TARBP1: variants seen among roughly 807,000 people sequenced by gnomAD.
TARBP1 encodes tRNA (guanosine(18)-2'-O)-methyltransferase TARBP1.
TARBP1 carries 144 observed loss-of-function variants against 178.6 expected under a neutral mutation model. The ratio of observed to expected loss-of-function variants is 0.81; its 90% confidence interval spans 0.70 to 0.93. The LOEUF (loss-of-function observed/expected upper bound fraction) is 0.93. TARBP1 is among the 40% of genes least tolerant of loss of function. The pLI, the probability that TARBP1 is intolerant of heterozygous loss-of-function variation, is 0.00. For missense variants in TARBP1, 2,067 were observed against 2,011.7 expected, an observed-to-expected ratio of 1.03 and a Z score of -0.53; for synonymous variants, 787 against 781.0, an observed-to-expected ratio of 1.01 and a Z score of -0.13.
intron 21 of TARBP1, among the ~76,000 whole-genome samples, chr1:234,419,267 A>G (rs1016659319): frequency 6.6e-6 from 1 of 152,230 alleles, no homozygotes; most frequent in Non-Finnish European, 1.5e-5. Flanking sequence ...ATCTTACACG[A>G]ATTTCTACTT....
intron 17 of TARBP1, 118 bp downstream of exon 17, chr1:234,429,018 T>TTTTTGA: frequency 1.1e-6 from 1 of 886,736 alleles, no homozygotes; most frequent in Non-Finnish European, 1.6e-6. Context: ...TTCAAAAATA[T>TTTTTGA]TTTTGACTGA....
chr1:234,472,686 G>C (rs1371704683), intron 2 of TARBP1, 28 bp downstream of exon 2: 6 of 1,479,590 alleles, frequency 4.1e-6, no homozygotes, highest in Non-Finnish European at 5.5e-6. Context: ...ATCTACTGTA[G>C]GATTTGCTAA....
intron 22 of TARBP1, among the ~76,000 whole-genome samples, chr1:234,413,514 T>G (rs1056219303): frequency 4.6e-5 from 7 of 152,118 alleles, no homozygotes; most frequent in African/African-American, 1.7e-4. Flanking sequence ...CGCTAAGCTT[T>G]GGAGAGTTCT....
At chr1:234,472,596 G>T in intron 2 of TARBP1, 118 bp downstream of exon 2, 2 of 629,190 alleles carry the variant, frequency 3.2e-6, no homozygotes, top group Non-Finnish European at 5.3e-6. Flanking sequence ...AGTATACTTG[G>T]ATTCTATCAT....
At chr1:234,473,600 T>C (rs1410098136) in intron 1 of TARBP1, among the ~76,000 whole-genome samples, 1 of 152,224 alleles carries the variant, frequency 6.6e-6, no homozygotes, top group Admixed American at 6.5e-5. Flanking sequence ...AGATGTTCTC[T>C]GCAGAATCTG....
chr1:234,433,350 T>C, intron 14 of TARBP1, 60 bp downstream of exon 14: 2 of 1,523,560 alleles, frequency 1.3e-6, no homozygotes, highest in Non-Finnish European at 1.8e-6. Context: ...AAGAACTGAA[T>C]ATGTATTCCC....
Position 234,464,294 on chromosome 1 carries a change from CTT to C in TARBP1, c.1302-362_1302-361del, listed in dbSNP as rs1668207543. 6.6e-5 allele frequency among the ~76,000 whole-genome samples: 10 copies of C among 152,286 alleles called. No homozygotes were observed. In the South Asian group the frequency reaches 2.1e-3, roughly 32 times the overall value. ...TTGTTCCCAACATGTAATCCAATGA[CTT>C]TAAATTTTTAGGTCTAAAACAAAAG... On this transcript the variant is annotated intron_variant, in intron 5 of 29. Transcript: ENST00000040877.
intron 9 of TARBP1, among the ~76,000 whole-genome samples, chr1:234,452,164 TG>T (rs1666852049): frequency 6.6e-6 from 1 of 152,226 alleles, no homozygotes; most frequent in African/African-American, 2.4e-5. Flanking sequence ...AGACTTTTCA[TG>T]TCAGACTTAT....
At chr1:234,475,831 C>T (rs1254494112) in intron 1 of TARBP1, among the ~76,000 whole-genome samples, 9 of 152,194 alleles carry the variant, frequency 5.9e-5, no homozygotes, top group African/African-American at 1.4e-4. Flanking sequence ...AAAAACCTTT[C>T]GAGACTCCAG....
chr1:234,478,487 G>A lies in TARBP1; in HGVS notation c.617C>T (p.Ala206Val), dbSNP rs953618954. ...CAGCCCGCCCCACACGGCCCGCAGC[G>A]CCGCCCCGCCACATTGGACCAGCAC... Reference protein sequence around the residue: ...LPVLVQCGGAALRAVWGGLAA... With the variant: ...LPVLVQCGGAVLRAVWGGLAA... The change falls in exon 1 of 30, where the codon GCG becomes GTG. Residue 206 changes from alanine (A) to valine (V), a missense_variant. By Grantham distance (64) the Ala-to-Val change is moderately conservative. Coordinates refer to ENST00000040877, the MANE Select transcript of TARBP1 (RefSeq NM_005646.4). 19 of 1,380,382 alleles carry A rather than the reference G, an allele frequency of 1.4e-5. No individual in the cohort carries two copies. Among genetic ancestry groups the A allele is most frequent in the Non-Finnish European group, 1.8e-5 (19 of 1,064,124 alleles). 85.5% of individuals were successfully genotyped at this position (1,380,382 alleles called of 1,614,324 possible).
At chr1:234,475,387 C>G (rs1669479961) in intron 1 of TARBP1, among the ~76,000 whole-genome samples, 2 of 152,236 alleles carry the variant, frequency 1.3e-5, no homozygotes, top group Non-Finnish European at 2.9e-5. Context: ...GAACCTGCTC[C>G]CTTCACTCGG....
intron 9 of TARBP1, among the ~76,000 whole-genome samples, chr1:234,457,029 C>T (rs907752088): frequency 4.6e-5 from 7 of 152,050 alleles, no homozygotes; most frequent in South Asian, 2.1e-4. Context: ...AACTAAACCC[C>T]GTGGTTTACA....
chr1:234,442,726 T>C (rs1214999187), intron 12 of TARBP1, among the ~76,000 whole-genome samples: 1 of 152,214 alleles, frequency 6.6e-6, no homozygotes, highest in Non-Finnish European at 1.5e-5. Context: ...TCCTCATATA[T>C]AATCAAACCC....
chr1:234,441,232 A>G (rs1489926601), intron 12 of TARBP1, among the ~76,000 whole-genome samples: 1 of 152,226 alleles, frequency 6.6e-6, no homozygotes, highest in Non-Finnish European at 1.5e-5. Context: ...TAAAAGTTTC[A>G]GCATAAGAAA....
chr1:234,429,763 G>A (rs1664210046), intron 15 of TARBP1, 86 bp from the exon 16 acceptor site: 2 of 705,294 alleles, frequency 2.8e-6, no homozygotes, highest in African/African-American at 1.1e-4. Flanking sequence ...CTTTCTAAAG[G>A]TGGGGGGGGG....
At chr1:234,392,602 C>G in intron 28 of TARBP1, 50 bp from the exon 29 acceptor site, 1 of 1,568,588 alleles carries the variant, frequency 6.4e-7, no homozygotes, top group Non-Finnish European at 8.7e-7. Flanking sequence ...TATAGCCCTG[C>G]TTGGAGTAAA....
At chr1:234,433,634 A>C in intron 13 of TARBP1, 63 bp from the exon 14 acceptor site, 1 of 1,489,568 alleles carries the variant, frequency 6.7e-7, no homozygotes, top group Non-Finnish European at 9.1e-7. Flanking sequence ...CAAAACTACA[A>C]GCCTTCAGGC....
Position 234,391,737 on chromosome 1 carries a change from C to T in TARBP1, c.4706G>A (p.Arg1569His), listed in dbSNP as rs749524126. 12 of 1,612,526 alleles carry T rather than the reference C, an allele frequency of 7.4e-6. No individual in the cohort carries two copies. Among genetic ancestry groups the T allele is most frequent in the Admixed American group, 3.3e-5 (2 of 59,828 alleles). Reference protein sequence around the residue: ...EKSLLLLGNEREGIPANLIQQ... With the variant: ...EKSLLLLGNEHEGIPANLIQQ... ...GATCAGATTTGCTGGAATTCCCTCA[C>T]GTTCATTTCTGAGGAAGAAAATGGA... The change falls in exon 30 of 30, where the codon CGT becomes CAT. Residue 1569 changes from arginine to histidine, a missense_variant. Arg to His is a conservative substitution (Grantham distance 29). Transcript: ENST00000040877.
Position 234,405,991 on chromosome 1 carries a change from A to AC in TARBP1, c.3900dup (p.Cys1301ValfsTer2). 2 of 1,614,204 alleles carry AC rather than the reference A, an allele frequency of 1.2e-6. No individual in the cohort carries two copies. The highest frequency in any genetic ancestry group is 1.7e-6 in the Non-Finnish European group (2 of 1,180,022). On this transcript the variant is annotated frameshift_variant, in exon 24 of 30. Transcript: ENST00000040877. LOFTEE classifies it high-confidence loss of function. ...AATTCTTCAACACTTAACACTTTAC[A>AC]CACAGTCCAGAGTTTCTTAAGAGCA... is the stretch of plus-strand genomic sequence containing the variant.
Sources: gnomAD v4.1 joint callset for allele counts (sites outside exome capture counted in the v4.1 genomes callset) on GRCh38, gnomAD v4.1.1 for gene constraint, MANE v1.5 for transcripts, NCBI Gene and HGNC (gene_info 2026-07-23, HGNC 2026-07-21) for gene names.